CCDC144A: variants seen among roughly 807,000 people sequenced by gnomAD.
CCDC144A encodes coiled-coil domain containing 144A, also known as coiled-coil domain-containing protein 144A.
In CCDC144A, 41 loss-of-function variants were observed where a neutral mutation model predicts 143.8. The ratio of observed to expected loss-of-function variants is 0.29; its 90% CI spans 0.22 to 0.37. The LOEUF is 0.37. Ranked by LOEUF, CCDC144A falls within the 10% of genes least tolerant of loss-of-function variation. The pLI is 1.00. For synonymous variants in CCDC144A, 242 were observed against 517.9 expected (o/e 0.47, Z 7.23); for missense variants, 637 against 1,488.8 (o/e 0.43, Z 9.41).
chr17:16,748,233 A>G (rs1053420685), intron 12 of CCDC144A, among the ~76,000 whole-genome samples: 5 of 152,046 alleles, frequency 3.3e-5, no homozygotes. Flanking sequence ...TGGGTTTGTT[A>G]TAGAGTGGCC....
the CCDC144A span, chr17:16,683,788 G>A: frequency 2.8e-6 from 4 of 1,453,524 alleles, no homozygotes; most frequent in South Asian, 4.6e-5. Flanking sequence ...AGCACATGAA[G>A]CCGAGCGTGA....
At chr17:16,683,836 A>G in the CCDC144A span, 3 of 1,394,672 alleles carry the variant, frequency 2.2e-6, no homozygotes, top group Non-Finnish European at 3.1e-6. Context: ...CGGCGCCTCC[A>G]GTTAGCAGAG....
chr17:16,745,065 A>G (rs1914433320), intron 12 of CCDC144A, among the ~76,000 whole-genome samples: 1 of 152,028 alleles, frequency 6.6e-6, no homozygotes, highest in Middle Eastern at 3.4e-3. Context: ...TGAAAGGGCA[A>G]TAGTTGAAGC....
At chr17:16,681,617 G>A in the CCDC144A span, among the ~76,000 whole-genome samples, 1 of 152,198 alleles carries the variant, frequency 6.6e-6, no homozygotes, top group African/African-American at 2.4e-5. Flanking sequence ...CAGCACTTTT[G>A]GGAGGCTGAA....
intron 14 of CCDC144A, among the ~76,000 whole-genome samples, 152 bp from the exon 15 acceptor site, chr17:16,763,813 T>C (rs200509915): frequency 0.15 from 22,569 of 148,236 alleles, 1,460 homozygotes; most frequent in African/African-American, 0.33. Context: ...TTGGATACAG[T>C]AGGCATGCTC....
chr17:16,681,253 G>T, the CCDC144A span, among the ~76,000 whole-genome samples: 1 of 151,980 alleles, frequency 6.6e-6, no homozygotes, highest in Non-Finnish European at 1.5e-5. Flanking sequence ...TTTAGGAAAT[G>T]CTTACAGCTT....
intron 12 of CCDC144A, among the ~76,000 whole-genome samples, chr17:16,747,502 TG>T (rs1914591772): frequency 6.6e-6 from 1 of 152,252 alleles, no homozygotes; most frequent in Admixed American, 6.5e-5. Flanking sequence ...TAGATTGCTT[TG>T]GGCAGTATGG....
chr17:16,734,820 T>G lies in CCDC144A; in HGVS notation c.2549T>G (p.Phe850Cys). Reference sequence around the variant, plus strand: ...AACAAGCAAAAGGAAAAGAAATATTTTGAGGACATTGAGGCTGTGAAAGAA... The same window carrying G: ...AACAAGCAAAAGGAAAAGAAATATTGTGAGGACATTGAGGCTGTGAAAGAA... ...NQNKQKEKKY[F>C]EDIEAVKEKN... Residue 850 changes from phenylalanine to cysteine, a missense_variant, in exon 12 of 17, where the codon TTT becomes TGT. Coordinates refer to ENST00000399273, the MANE Select transcript of CCDC144A (RefSeq NM_001382000.1). 1 of 1,555,736 alleles carries G rather than the reference T, an allele frequency of 6.4e-7. No individual in the cohort carries two copies. Among genetic ancestry groups the G allele is most frequent in the Non-Finnish European group, 8.7e-7 (1 of 1,154,350 alleles).
intron 12 of CCDC144A, among the ~76,000 whole-genome samples, chr17:16,756,311 TA>T (rs1265830883): frequency 2.0e-5 from 3 of 152,236 alleles, no homozygotes; most frequent in African/African-American, 7.2e-5. Flanking sequence ...TTATTTTTTT[TA>T]TTTTTGCTTT....
chr17:16,729,428 G>A (rs1273664220), intron 9 of CCDC144A, among the ~76,000 whole-genome samples: 1 of 152,166 alleles, frequency 6.6e-6, no homozygotes, highest in African/African-American at 2.4e-5. Context: ...TGTACTTTTT[G>A]ATGGGATTAT....
rs577444403 is a variant in CCDC144A at position 16,724,273 on chromosome 17, C to T, written c.1892-3254C>T. On this transcript the variant is annotated intron_variant, in intron 8 of 16. Transcript: ENST00000399273. ...TGATTGCAGGCCGGGTGCAGTGGCT[C>T]ACGCCTGTAATCCCAGCACTTTGGG... 1.7e-4 allele frequency among the ~76,000 whole-genome samples: 26 copies of T among 152,112 alleles called. No homozygotes were observed. The South Asian group carries it at 5.4e-3, about 31-fold the overall frequency.
At chr17:16,766,806 G>C (rs1226281857) in intron 15 of CCDC144A, among the ~76,000 whole-genome samples, 1 of 152,104 alleles carries the variant, frequency 6.6e-6, no homozygotes, top group Non-Finnish European at 1.5e-5. Context: ...AGATTTTTGA[G>C]GATCTTTTTT....
At chr17:16,687,318 G>C (rs564047409), upstream of CCDC144A, among the ~76,000 whole-genome samples, 87 of 152,304 alleles carry the variant, frequency 5.7e-4, no homozygotes, top group African/African-American at 1.9e-3. Context: ...AACAGGGATT[G>C]AATTTTCCTT....
At chr17:16,712,677 A>G (rs1226387614) in intron 6 of CCDC144A, among the ~76,000 whole-genome samples, 1 of 152,204 alleles carries the variant, frequency 6.6e-6, no homozygotes, top group Non-Finnish European at 1.5e-5. Context: ...TTATAGCATT[A>G]TAATATCAAG....
intron 2 of CCDC144A, among the ~76,000 whole-genome samples, chr17:16,698,028 A>G (rs1370474876): frequency 6.6e-6 from 1 of 152,080 alleles, no homozygotes; most frequent in Non-Finnish European, 1.5e-5. Context: ...TCCATGTGGG[A>G]TATTTTCAGT....
At chr17:16,696,483 A>T (rs142435221) in intron 2 of CCDC144A, among the ~76,000 whole-genome samples, 2 of 150,676 alleles carry the variant, frequency 1.3e-5, no homozygotes, top group African/African-American at 4.9e-5. Context: ...ACACATGAAA[A>T]ATTAGCTGGA....
intron 12 of CCDC144A, among the ~76,000 whole-genome samples, chr17:16,744,436 G>T (rs891555581): frequency 6.6e-6 from 1 of 152,158 alleles, no homozygotes; most frequent in African/African-American, 2.4e-5. Flanking sequence ...TTGTGGCTTT[G>T]ATTTGCTTTT....
At chr17:16,712,071 G>A (rs1253376365) in intron 6 of CCDC144A, 17 of 466,430 alleles carry the variant, frequency 3.6e-5, no homozygotes, top group Non-Finnish European at 1.2e-5. Context: ...CGGGGGTTGT[G>A]GTGAGCTGTG....
At position 16,734,659 on chromosome 17, in the gene CCDC144A, A is replaced by C. The variant is rs1271726768; in HGVS notation, c.2419-31A>C. On this transcript the variant is annotated intron_variant, in intron 11 of 16. Transcript: ENST00000399273. ...AAAATCATAATCTGTCATTTTATTG[A>C]GTGCTACTGAATGTTTCCTTTCTTA... 3 of 1,460,198 alleles carry C rather than the reference A, an allele frequency of 2.1e-6. No homozygotes were observed. In the African/African-American group the frequency reaches 4.3e-5, roughly 21 times the overall value. 90.5% of individuals were successfully genotyped at this position (1,460,198 alleles called of 1,614,324 possible). A position where few individuals can be genotyped will look rare whatever the true frequency, so the allele number is the denominator to read the frequency against.
Sources: allele counts gnomAD v4.1 joint callset (sites outside exome capture counted in the v4.1 genomes callset), GRCh38; gene constraint gnomAD v4.1.1; transcripts MANE v1.5; gene names NCBI Gene and HGNC (gene_info 2026-07-23, HGNC 2026-07-21).